PRRC2B: variants seen among roughly 807,000 people sequenced by gnomAD.
The protein encoded by PRRC2B is proline rich coiled-coil 2B.
A neutral mutation model predicts 242.3 loss-of-function variants in PRRC2B; 68 were observed. That is an observed-to-expected ratio of 0.28 (90% CI 0.23 to 0.34). The LOEUF is 0.34. Ranked by LOEUF, PRRC2B falls within the 10% of genes least tolerant of loss-of-function variation. The probability of loss-of-function intolerance (pLI) is 1.00; values close to 1 mark genes in which losing one functional copy is unlikely to be tolerated. For missense variants in PRRC2B, 2,835 were observed against 2,954.8 expected, an observed-to-expected ratio of 0.96 and a Z score of 0.94; for synonymous variants, 1,228 against 1,173.6, an observed-to-expected ratio of 1.05 and a Z score of -0.95.
chr9:131,467,624 G>A lies in PRRC2B; in HGVS notation c.1782G>A (p.Val594=), dbSNP rs1943434416. The change falls in exon 13 of 32, where the codon GTG becomes GTA. Residue 594 remains valine (V), a synonymous_variant. Transcript: ENST00000683519. ...PTTFPEEAPT[V]SPAVAQSNSS... ...CATTCCCAGAAGAGGCACCCACAGT[G>A]TCCCCAGCAGTGGCACAGAGCAACA... 1 of 1,613,686 alleles carries A rather than the reference G, an allele frequency of 6.2e-7. No homozygotes were observed. Among genetic ancestry groups the A allele is most frequent in the Non-Finnish European group, 8.5e-7 (1 of 1,179,764 alleles).
chr9:131,401,652 A>G (rs2131284191), intron 1 of PRRC2B, among the ~76,000 whole-genome samples: 1 of 150,758 alleles, frequency 6.6e-6, no homozygotes, highest in African/African-American at 2.4e-5. Context: ...TGCCTGGCCT[A>G]GTTTTTGTAT....
At chr9:131,438,958 G>A in intron 4 of PRRC2B, 31 bp from the exon 5 acceptor site, 2 of 1,560,272 alleles carry the variant, frequency 1.3e-6, no homozygotes, top group Non-Finnish European at 1.8e-6. Flanking sequence ...TAAGGGAGCT[G>A]GCCCTCTTCT....
At chr9:131,431,932 T>C (rs531741153) in intron 2 of PRRC2B, among the ~76,000 whole-genome samples, 7 of 152,150 alleles carry the variant, frequency 4.6e-5, no homozygotes, top group African/African-American at 1.7e-4. Flanking sequence ...TATTTATTTA[T>C]TTAGAGACTG....
At chr9:131,373,891 C>G (rs1201037935) in intron 1 of PRRC2B, among the ~76,000 whole-genome samples, 1 of 152,180 alleles carries the variant, frequency 6.6e-6, no homozygotes, top group East Asian at 1.9e-4. Context: ...AACCCCGTCT[C>G]TACTAAAAAT....
chr9:131,398,528 G>A lies in PRRC2B; in HGVS notation c.-52+4265G>A, dbSNP rs564626168. On this transcript the variant is annotated intron_variant, in intron 1 of 31. Transcript: ENST00000683519. ...CTCTGCAGCCAGTTGTGTGGCTTCC[G>A]TCTGGACCGTCTTCCTCCTTTCCAA... is the stretch of plus-strand genomic sequence containing the variant. 1.4e-4 allele frequency among the ~76,000 whole-genome samples: 22 copies of A among 152,248 alleles called. No individual in the cohort carries two copies. The East Asian group carries it at 2.5e-3, about 17-fold the overall frequency.
chr9:131,494,363 G>T lies in PRRC2B; in HGVS notation c.6474-42G>T. 9.5e-7 allele frequency: 1 copy of T among 1,053,206 alleles called. No homozygotes were observed. Among genetic ancestry groups the T allele is most frequent in the South Asian group, 1.4e-5 (1 of 72,328 alleles). 65.2% of individuals were successfully genotyped at this position (1,053,206 alleles called of 1,614,324 possible). ...TAGGCTTTGACTCCATTTCTGTGGTGACACGTTGTGTATTCTCAACCCCTG... is the reference window on the plus strand; with the variant it reads ...TAGGCTTTGACTCCATTTCTGTGGTTACACGTTGTGTATTCTCAACCCCTG... On this transcript the variant is annotated intron_variant, in intron 30 of 31. Transcript: ENST00000683519. This position sits in a 1 kb window ranked among gnomAD's most constrained non-coding sequence, Gnocchi z 4.3.
At chr9:131,458,529 C>T (rs977342322) in intron 10 of PRRC2B, among the ~76,000 whole-genome samples, 1 of 149,722 alleles carries the variant, frequency 6.7e-6, no homozygotes, top group Non-Finnish European at 1.5e-5. Flanking sequence ...GAGACGGAGT[C>T]TCTCTCTGTT....
intron 1 of PRRC2B, among the ~76,000 whole-genome samples, chr9:131,382,551 C>T (rs1836774308): frequency 6.6e-6 from 1 of 152,098 alleles, no homozygotes; most frequent in African/African-American, 2.4e-5. Context: ...AGATGTCCCT[C>T]CCTGCTGTGA....
Position 131,434,445 on chromosome 9 carries a change from C to T in PRRC2B, c.293+1651C>T, listed in dbSNP as rs1344679359. Among the ~76,000 whole-genome samples the T allele has an allele frequency of 8.5e-5, 13 of 152,348 alleles. No homozygotes were observed. The East Asian group carries it at 1.9e-3, about 23-fold the overall frequency. ...GAGTGTTGGTGAGGGCATAGACCCC[C>T]GTGTAGTTCTCTGCTGCCCCAGGCC... On this transcript the variant is annotated intron_variant, in intron 3 of 31. Coordinates refer to ENST00000683519, the MANE Select transcript of PRRC2B (RefSeq NM_013318.4).
intron 1 of PRRC2B, among the ~76,000 whole-genome samples, chr9:131,397,610 T>C (rs1338244223): frequency 3.5e-5 from 5 of 144,798 alleles, no homozygotes; most frequent in African/African-American, 1.3e-4. Context: ...CTGACTCATG[T>C]TGCTAATGGC....
At chr9:131,453,240 C>G (rs1275018453) in intron 9 of PRRC2B, among the ~76,000 whole-genome samples, 1 of 152,060 alleles carries the variant, frequency 6.6e-6, no homozygotes, top group Non-Finnish European at 1.5e-5. Flanking sequence ...CTGTTTTCAG[C>G]GAAAATCTTT....
intron 1 of PRRC2B, among the ~76,000 whole-genome samples, chr9:131,407,211 A>G (rs1349368512): frequency 6.6e-6 from 1 of 151,892 alleles, no homozygotes; most frequent in African/African-American, 2.4e-5. Flanking sequence ...CAGCTTTACA[A>G]TTTGCTGTTG....
In PRRC2B at chr9:131,496,015, C is replaced by G; in HGVS notation, c.*141C>G. 1 of 1,156,492 alleles carries G rather than the reference C, an allele frequency of 8.6e-7. No individual in the cohort carries two copies. Among genetic ancestry groups the G allele is most frequent in the Non-Finnish European group, 1.2e-6 (1 of 836,368 alleles). The allele number at this position is 1,156,492 out of a possible 1,614,324, so 71.6% of individuals were successfully genotyped here. On this transcript the variant is annotated 3_prime_UTR_variant, in exon 32 of 32. Transcript: ENST00000683519. ...CTGAGAGACCTCCCTCCTCTCCACT[C>G]CCGAAAGCTCCGTTGTCAACCAGCT...
intron 9 of PRRC2B, among the ~76,000 whole-genome samples, chr9:131,450,999 T>C (rs1324882924): frequency 6.6e-6 from 1 of 152,262 alleles, no homozygotes; most frequent in Non-Finnish European, 1.5e-5. Context: ...TGAATGTCTT[T>C]TGTTAAATTT....
At chr9:131,440,156 C>T (rs1284813503) in intron 5 of PRRC2B, among the ~76,000 whole-genome samples, 1 of 152,208 alleles carries the variant, frequency 6.6e-6, no homozygotes, top group African/African-American at 2.4e-5. Context: ...ATCCTCCTAC[C>T]TTGGCCTCCC....
At chr9:131,398,729 A>T (rs577941745) in intron 1 of PRRC2B, among the ~76,000 whole-genome samples, 1 of 152,208 alleles carries the variant, frequency 6.6e-6, no homozygotes, top group South Asian at 2.1e-4. Context: ...CTGTAATCCC[A>T]GTACTTGGGG....
At chr9:131,470,637 T>C in intron 13 of PRRC2B, 151 bp from the exon 14 acceptor site, 1 of 631,806 alleles carries the variant, frequency 1.6e-6, no homozygotes. Flanking sequence ...GGGCTTCCCC[T>C]TGAGCAGCTG....
chr9:131,491,255 G>A (rs991660215), intron 28 of PRRC2B, 170 bp from the exon 29 acceptor site: 7 of 640,910 alleles, frequency 1.1e-5, no homozygotes, highest in African/African-American at 7.6e-5. Context: ...AATCCTGGGC[G>A]ATCTCTCCTG....
intron 9 of PRRC2B, among the ~76,000 whole-genome samples, chr9:131,449,590 T>C (rs1942848227): frequency 6.6e-6 from 1 of 152,242 alleles, no homozygotes; most frequent in African/African-American, 2.4e-5. Context: ...GTCCTTTGTT[T>C]GGTATCTGAA....
Sources: allele counts gnomAD v4.1 joint callset (sites outside exome capture counted in the v4.1 genomes callset), GRCh38; gene constraint gnomAD v4.1.1; non-coding constraint Gnocchi (gnomAD v3.1); transcripts MANE v1.5; gene names NCBI Gene and HGNC (gene_info 2026-07-23, HGNC 2026-07-21).